PPM1E: variants seen among roughly 807,000 people sequenced by gnomAD.
The protein encoded by PPM1E is protein phosphatase, Mg2+/Mn2+ dependent 1E, also known as protein phosphatase 1E.
Under a neutral mutation model 65.9 loss-of-function variants are expected in PPM1E, and 20 were observed. That is an observed-to-expected ratio of 0.30 (90% confidence interval 0.21 to 0.44). PPM1E has a LOEUF of 0.44. Among genes scored for constraint, PPM1E ranks in the 20% least tolerant of loss-of-function variants. The probability of loss-of-function intolerance (pLI) is 1.00; values close to 1 mark genes in which losing one functional copy is unlikely to be tolerated. For synonymous variants in PPM1E, 352 were observed against 374.9 expected (o/e 0.94, Z 0.70); for missense variants, 713 against 953.1 (o/e 0.75, Z 3.32).
At position 58,822,358 on chromosome 17, in the gene PPM1E, A is replaced by C. The variant is rs988278866; in HGVS notation, c.464+65897A>C. Among the ~76,000 whole-genome samples the C allele has an allele frequency of 6.7e-5, 10 of 148,426 alleles. No homozygotes were observed. The East Asian group carries it at 1.2e-3, about 17-fold the overall frequency. On this transcript the variant is annotated intron_variant, in intron 1 of 6. Transcript: ENST00000308249. ...TATTTATTTATTTATTTATTTATTT[A>C]TTTATTTATTTATTTATTTTTTGAC... is the stretch of plus-strand genomic sequence containing the variant.
intron 1 of PPM1E, 101 bp downstream of exon 1, chr17:58,756,562 C>T: frequency 8.3e-7 from 1 of 1,203,118 alleles, no homozygotes. Flanking sequence ...TTTTCTGCTC[C>T]TCTCCCCCGC....
chr17:58,946,968 T>G (rs1272005097), intron 1 of PPM1E, among the ~76,000 whole-genome samples: 1 of 151,990 alleles, frequency 6.6e-6, no homozygotes. Flanking sequence ...AGCTTTACAT[T>G]TAGGTCTGTG....
chr17:58,822,758 A>C (rs1407014980), intron 1 of PPM1E, among the ~76,000 whole-genome samples: 1 of 152,142 alleles, frequency 6.6e-6, no homozygotes, highest in Non-Finnish European at 1.5e-5. Flanking sequence ...TCTGTGGGGA[A>C]ATTCTAATTA....
intron 3 of PPM1E, among the ~76,000 whole-genome samples, chr17:58,967,698 A>G (rs1201762762): frequency 6.6e-6 from 1 of 151,790 alleles, no homozygotes; most frequent in Non-Finnish European, 1.5e-5. Flanking sequence ...TTTTTAAGAA[A>G]TCCACTTAGC....
intron 1 of PPM1E, among the ~76,000 whole-genome samples, chr17:58,814,309 A>T (rs1229075774): frequency 6.6e-6 from 1 of 152,180 alleles, no homozygotes; most frequent in Non-Finnish European, 1.5e-5. Context: ...ATTGAAGGAT[A>T]AAGGAGAACA....
chr17:58,786,137 C>G (rs985596493), intron 1 of PPM1E, among the ~76,000 whole-genome samples: 1 of 151,884 alleles, frequency 6.6e-6, no homozygotes. Context: ...GCCTCAGCCT[C>G]CCAAGTAGCT....
At chr17:58,918,615 G>A (rs1309703703) in intron 1 of PPM1E, among the ~76,000 whole-genome samples, 1 of 151,920 alleles carries the variant, frequency 6.6e-6, no homozygotes, top group African/African-American at 2.4e-5. Context: ...AGACCAGCCT[G>A]GGCAACACGG....
At chr17:58,842,739 G>T (rs1404246934) in intron 1 of PPM1E, among the ~76,000 whole-genome samples, 1 of 151,960 alleles carries the variant, frequency 6.6e-6, no homozygotes, top group Admixed American at 6.6e-5. Context: ...AAGAGTTTGA[G>T]AACAGCCTGA....
intron 1 of PPM1E, among the ~76,000 whole-genome samples, chr17:58,953,002 C>T (rs941614222): frequency 6.6e-6 from 1 of 152,098 alleles, no homozygotes; most frequent in South Asian, 2.1e-4. Context: ...ATGACAGCTC[C>T]TTAACTATTG....
At chr17:58,927,833 C>A (rs901014173) in intron 1 of PPM1E, among the ~76,000 whole-genome samples, 1 of 151,726 alleles carries the variant, frequency 6.6e-6, no homozygotes, top group African/African-American at 2.4e-5. Context: ...CTGAGGCAGG[C>A]GGATCATCTG....
chr17:58,908,925 T>A (rs1262328298), intron 1 of PPM1E, among the ~76,000 whole-genome samples: 1 of 152,164 alleles, frequency 6.6e-6, no homozygotes, highest in Admixed American at 6.5e-5. Flanking sequence ...TACCTATATA[T>A]AAACATATTC....
intron 1 of PPM1E, among the ~76,000 whole-genome samples, chr17:58,888,507 G>A (rs1053064739): frequency 6.6e-6 from 1 of 151,744 alleles, no homozygotes; most frequent in East Asian, 1.9e-4. Flanking sequence ...GGGATTACAG[G>A]TGCCCACCAC....
chr17:58,795,757 G>C (rs1451044008), intron 1 of PPM1E, among the ~76,000 whole-genome samples: 1 of 152,014 alleles, frequency 6.6e-6, no homozygotes, highest in African/African-American at 2.4e-5. Flanking sequence ...TATCTCATTG[G>C]GGTTTTGACT....
intron 1 of PPM1E, among the ~76,000 whole-genome samples, chr17:58,832,962 A>C (rs899335799): frequency 6.6e-6 from 1 of 152,016 alleles, no homozygotes; most frequent in Non-Finnish European, 1.5e-5. Flanking sequence ...ACAGGCATGC[A>C]TCACTACTCC....
At chr17:58,905,150 A>G (rs928173963) in intron 1 of PPM1E, among the ~76,000 whole-genome samples, 1 of 152,220 alleles carries the variant, frequency 6.6e-6, no homozygotes, top group Non-Finnish European at 1.5e-5. Context: ...TTAGTTTTCT[A>G]CATGTTACAG....
chr17:58,790,817 T>TA (rs2050150402), intron 1 of PPM1E, among the ~76,000 whole-genome samples: 1 of 152,194 alleles, frequency 6.6e-6, no homozygotes, highest in African/African-American at 2.4e-5. Flanking sequence ...CCTACTGTCT[T>TA]ACTGCATTCA....
At position 58,944,823 on chromosome 17, in the gene PPM1E, G is replaced by C. The variant is rs112944161; in HGVS notation, c.465-10826G>C. Among the ~76,000 whole-genome samples the C allele has an allele frequency of 9.9e-5, 15 of 152,208 alleles. No individual in the cohort carries two copies. In the East Asian group the frequency reaches 2.9e-3, roughly 29 times the overall value. On this transcript the variant is annotated intron_variant, in intron 1 of 6. Coordinates refer to ENST00000308249, the MANE Select transcript of PPM1E (RefSeq NM_014906.5). Reference sequence around the variant, plus strand: ...ATGTATGAGTTTTTTGTGAATATATGTTTTTATTTCTCATGCATGTATACC... The same window carrying C: ...ATGTATGAGTTTTTTGTGAATATATCTTTTTATTTCTCATGCATGTATACC...
intron 1 of PPM1E, among the ~76,000 whole-genome samples, chr17:58,937,100 C>T (rs1200406570): frequency 2.0e-5 from 3 of 148,048 alleles, no homozygotes; most frequent in Admixed American, 6.8e-5. Context: ...ATCGAGACCA[C>T]GGTGAAACCT....
In PPM1E at chr17:58,801,378, A is replaced by G. The variant is rs897336810; in HGVS notation, c.464+44917A>G. 4.7e-5 allele frequency among the ~76,000 whole-genome samples: 7 copies of G among 149,346 alleles called. No homozygotes were observed. The East Asian group carries it at 1.4e-3, about 29-fold the overall frequency. On this transcript the variant is annotated intron_variant, in intron 1 of 6. Coordinates refer to ENST00000308249, the MANE Select transcript of PPM1E (RefSeq NM_014906.5). The stretch of plus-strand genomic sequence containing the variant: ...TTTGTTTGTTCCTTATGAATTAACC[A>G]TTTTATTTTTAGATAAATGTCCCCC...
Sources: gnomAD v4.1 joint callset for allele counts (sites outside exome capture counted in the v4.1 genomes callset) on GRCh38, gnomAD v4.1.1 for gene constraint, MANE v1.5 for transcripts, NCBI Gene and HGNC (gene_info 2026-07-23, HGNC 2026-07-21) for gene names.